The following ENPP6 variants were observed in gnomAD, a reference collection of about 807,000 sequenced individuals.
ENPP6 encodes ectonucleotide pyrophosphatase/phosphodiesterase 6.
Under a neutral mutation model 42.0 loss-of-function variants are expected in ENPP6, and 32 were observed. That is an observed-to-expected ratio of 0.76 (90% CI 0.58 to 1.02). The LOEUF (loss-of-function observed/expected upper bound fraction) is 1.02. ENPP6 is among the 50% of genes least tolerant of loss of function. The pLI, the probability that ENPP6 is intolerant of heterozygous loss-of-function variation, is 0.00. For synonymous variants in ENPP6, 213 were observed against 216.0 expected (o/e 0.99, Z 0.12); for missense variants, 552 against 566.8 (o/e 0.97, Z 0.27).
chr4:184,107,741 T>C (rs550904605), intron 6 of ENPP6, among the ~76,000 whole-genome samples: 8 of 152,118 alleles, frequency 5.3e-5, no homozygotes, highest in African/African-American at 7.2e-5. Context: ...CAGTGAAACC[T>C]CGTCTCTACT....
At chr4:184,097,450 CCGGG>C in intron 6 of ENPP6, 82 bp from the exon 7 acceptor site, 2 of 1,573,828 alleles carry the variant, frequency 1.3e-6, no homozygotes, top group Non-Finnish European at 1.7e-6. Context: ...CGCCACTCCA[CCGGG>C]GGGCGCTTTC....
intron 6 of ENPP6, among the ~76,000 whole-genome samples, chr4:184,107,350 A>G (rs775890467): frequency 2.6e-5 from 4 of 152,268 alleles, no homozygotes; most frequent in South Asian, 2.1e-4. Context: ...GTTTTATCCT[A>G]TGGGAATAAG....
intron 1 of ENPP6, among the ~76,000 whole-genome samples, chr4:184,164,964 C>G (rs1737325491): frequency 6.6e-6 from 1 of 152,184 alleles, no homozygotes; most frequent in African/African-American, 2.4e-5. Flanking sequence ...TCCCAGCACT[C>G]AGGAAGCCCA....
At position 184,184,192 on chromosome 4, in the gene ENPP6, A is replaced by G. The variant is rs888066272; in HGVS notation, c.242-30459T>C. 6.6e-6 allele frequency among the ~76,000 whole-genome samples: 1 copy of G among 152,232 alleles called. No homozygotes were observed. The highest frequency in any genetic ancestry group is 1.5e-5 in the Non-Finnish European group (1 of 68,042). ...TCTTAACTACCGCAGTCACTGTGAG[A>G]GTCAGCAGAAACGACAACCACAGAT... On this transcript the variant is annotated intron_variant, in intron 1 of 7. Coordinates refer to ENST00000296741, the MANE Select transcript of ENPP6 (RefSeq NM_153343.4). The surrounding 1 kb of genome is among the most constrained non-coding windows in gnomAD (Gnocchi z 4.7).
At chr4:184,172,783 T>C (rs1219654140) in intron 1 of ENPP6, among the ~76,000 whole-genome samples, 1 of 152,210 alleles carries the variant, frequency 6.6e-6, no homozygotes, top group Non-Finnish European at 1.5e-5. Flanking sequence ...TTTTCTTGGC[T>C]TTTTAAATTG....
At chr4:184,098,981 A>G (rs1007987884) in intron 6 of ENPP6, among the ~76,000 whole-genome samples, 2 of 152,214 alleles carry the variant, frequency 1.3e-5, no homozygotes, top group Non-Finnish European at 2.9e-5. Context: ...TCATGTGTTT[A>G]GTGAGCCAAG....
intron 5 of ENPP6, 53 bp from the exon 6 acceptor site, chr4:184,112,862 A>C (rs79633596): frequency 0.02 from 30,490 of 1,538,172 alleles, 412 homozygotes; most frequent in Non-Finnish European, 0.022. Context: ...ATATGTGTGA[A>C]TATTTACTGG....
At chr4:184,127,588 C>A (rs1230252425) in intron 2 of ENPP6, among the ~76,000 whole-genome samples, 1 of 152,088 alleles carries the variant, frequency 6.6e-6, no homozygotes, top group Non-Finnish European at 1.5e-5. Context: ...TGAAACCCTG[C>A]CTCTACCAAA....
intron 5 of ENPP6, among the ~76,000 whole-genome samples, chr4:184,116,171 C>T (rs7660027): frequency 0.52 from 79,155 of 151,980 alleles, 21,348 homozygotes; most frequent in Non-Finnish European, 0.6. Flanking sequence ...TGCAGTGAGC[C>T]GAGATAGCGC....
chr4:184,106,254 C>T (rs1332715600), intron 6 of ENPP6, among the ~76,000 whole-genome samples: 3 of 152,044 alleles, frequency 2.0e-5, no homozygotes, highest in African/African-American at 7.3e-5. Flanking sequence ...AGGCTGGTCT[C>T]GAAATCCTGA....
chr4:184,138,171 T>G (rs1399353893), intron 2 of ENPP6, among the ~76,000 whole-genome samples: 1 of 152,260 alleles, frequency 6.6e-6, no homozygotes, highest in East Asian at 1.9e-4. Context: ...TAAATATGAC[T>G]GATTTCTAGA....
chr4:184,193,096 C>G (rs1561006904), intron 1 of ENPP6, among the ~76,000 whole-genome samples: 1 of 152,160 alleles, frequency 6.6e-6, no homozygotes, highest in Non-Finnish European at 1.5e-5. Flanking sequence ...AAATGTTAAA[C>G]ACAGAATTAT....
intron 1 of ENPP6, among the ~76,000 whole-genome samples, chr4:184,193,695 AT>A (rs1455964458): frequency 6.6e-6 from 1 of 152,218 alleles, no homozygotes; most frequent in Non-Finnish European, 1.5e-5. Context: ...CTATAGATCC[AT>A]ATATGGGATC....
intron 1 of ENPP6, among the ~76,000 whole-genome samples, chr4:184,198,579 G>A (rs1469364471): frequency 1.3e-5 from 2 of 152,214 alleles, no homozygotes; most frequent in Non-Finnish European, 2.9e-5. Context: ...CAAGTCTGCA[G>A]TGCAGACTGA....
intron 1 of ENPP6, among the ~76,000 whole-genome samples, chr4:184,192,642 T>C (rs1732726407): frequency 6.6e-6 from 1 of 152,106 alleles, no homozygotes; most frequent in East Asian, 1.9e-4. Flanking sequence ...AGACATCCCA[T>C]GAAGAAAGTG....
chr4:184,217,751 G>A lies in ENPP6; in HGVS notation c.69C>T (p.Arg23=). ...ALGLAQPASA[R]RKLLVFLLDG... is the part of the protein sequence containing the mutation. Reference sequence around the variant, plus strand: ...CCAGCAGAAACACCAGCAGCTTCCGGCGGGCAGAGGCTGGCTGGGCCAGGC... The same window carrying A: ...CCAGCAGAAACACCAGCAGCTTCCGACGGGCAGAGGCTGGCTGGGCCAGGC... The change falls in exon 1 of 8, where the codon CGC becomes CGT. Residue 23 remains arginine (R), a synonymous_variant. Transcript: ENST00000296741. 1 of 1,614,142 alleles carries A rather than the reference G, an allele frequency of 6.2e-7. No individual in the cohort carries two copies.
intron 1 of ENPP6, among the ~76,000 whole-genome samples, chr4:184,182,909 C>T (rs1732574656): frequency 6.6e-6 from 1 of 152,080 alleles, no homozygotes; most frequent in Non-Finnish European, 1.5e-5. Flanking sequence ...GCATGCTGGG[C>T]TTAATACCTA....
chr4:184,137,935 C>T (rs1254084029), intron 2 of ENPP6, among the ~76,000 whole-genome samples: 1 of 152,206 alleles, frequency 6.6e-6, no homozygotes, highest in African/African-American at 2.4e-5. Context: ...CCATCACATG[C>T]ACACATGCAT....
At position 184,153,583 on chromosome 4, in the gene ENPP6, T is replaced by A; in HGVS notation, c.392A>T (p.Lys131Ile). 6.2e-7 allele frequency: 1 copy of A among 1,614,090 alleles called. No homozygotes were observed. Among genetic ancestry groups the A allele is most frequent in the Non-Finnish European group, 8.5e-7 (1 of 1,179,992 alleles). The change falls in exon 2 of 8, where the codon AAA (lysine) becomes ATA (isoleucine). Residue 131 changes from lysine to isoleucine, a missense_variant. By Grantham distance (102) the Lys-to-Ile change is moderately radical. This residue lies in a region of ENPP6 where 545 missense variants were observed against 546.3 expected (regional missense o/e 1.00). Transcript: ENST00000296741. ...EPLWVTLTKA[K>I]RKVYMYYWPG... is the part of the protein sequence containing the mutation. Reference sequence around the variant, plus strand: ...CCAGTAGTACATGTAGACCTTCCTTTTGGCCTTGGTCAGAGTGACCCACAG... The same window carrying A: ...CCAGTAGTACATGTAGACCTTCCTTATGGCCTTGGTCAGAGTGACCCACAG...
Sources: allele counts gnomAD v4.1 joint callset (sites outside exome capture counted in the v4.1 genomes callset), GRCh38; gene constraint gnomAD v4.1.1; regional missense constraint gnomAD v4.1.1; non-coding constraint Gnocchi (gnomAD v3.1); transcripts MANE v1.5; gene names NCBI Gene and HGNC (gene_info 2026-07-23, HGNC 2026-07-21).